Variants in POFUT3 observed in about 807,000 individuals in gnomAD.
POFUT3 encodes the protein GDP-fucose protein O-fucosyltransferase 3.
At chr8:33,385,167 C>G in the POFUT3 span, among the ~76,000 whole-genome samples, 1 of 152,204 alleles carries the variant, frequency 6.6e-6, no homozygotes, top group Non-Finnish European at 1.5e-5. Flanking sequence ...CACCCTCATT[C>G]CCAGTGACCC....
chr8:33,309,181 T>TAC, the POFUT3 span, among the ~76,000 whole-genome samples: 23 of 106,074 alleles, frequency 2.2e-4, 2 homozygotes, highest in Admixed American at 2.1e-3. Flanking sequence ...TATATATATA[T>TAC]ATATATATAT....
chr8:33,452,594 A>ACTT, the POFUT3 span: 1 of 152,112 alleles, frequency 6.6e-6, no homozygotes, highest in Non-Finnish European at 1.5e-5. Context: ...CATTTAAAAA[A>ACTT]CTTTTTTAAA....
chr8:33,464,959 T>C, the POFUT3 span, among the ~76,000 whole-genome samples: 1 of 152,280 alleles, frequency 6.6e-6, no homozygotes, highest in South Asian at 2.1e-4. Context: ...TGCTCCTACT[T>C]AGTAGATGCT....
the POFUT3 span, among the ~76,000 whole-genome samples, chr8:33,385,121 C>T: frequency 2.6e-5 from 4 of 152,182 alleles, no homozygotes; most frequent in African/African-American, 9.6e-5. Flanking sequence ...AGACTAGATA[C>T]AGGAACCAAC....
the POFUT3 span, among the ~76,000 whole-genome samples, chr8:33,415,112 A>G: frequency 6.6e-6 from 1 of 151,914 alleles, no homozygotes; most frequent in Admixed American, 6.6e-5. Context: ...AAATACAAAA[A>G]CTAGCTGGCT....
chr8:33,342,042 T>C, the POFUT3 span, among the ~76,000 whole-genome samples: 1 of 152,114 alleles, frequency 6.6e-6, no homozygotes, highest in Non-Finnish European at 1.5e-5. Flanking sequence ...TAGCCAGGCA[T>C]GGTGGCATGT....
At chr8:33,412,367 A>T in the POFUT3 span, among the ~76,000 whole-genome samples, 1 of 152,194 alleles carries the variant, frequency 6.6e-6, no homozygotes, top group Admixed American at 6.5e-5. Context: ...TAGAATTGGA[A>T]CTTGATCCAT....
the POFUT3 span, among the ~76,000 whole-genome samples, chr8:33,466,292 G>T: frequency 6.6e-6 from 1 of 152,030 alleles, no homozygotes. Context: ...AGCTGGGCAT[G>T]GTGGTGCATG....
At chr8:33,463,024 G>A in the POFUT3 span, among the ~76,000 whole-genome samples, 1 of 152,142 alleles carries the variant, frequency 6.6e-6, no homozygotes, top group South Asian at 2.1e-4. Context: ...AAATGGCACT[G>A]TGGAGCTCAG....
At chr8:33,365,024 A>G in the POFUT3 span, among the ~76,000 whole-genome samples, 1 of 152,236 alleles carries the variant, frequency 6.6e-6, no homozygotes, top group East Asian at 1.9e-4. Context: ...ACAAGGCTAT[A>G]GTAACCAAAC....
At chr8:33,462,423 A>G in the POFUT3 span, among the ~76,000 whole-genome samples, 1 of 152,182 alleles carries the variant, frequency 6.6e-6, no homozygotes, top group Admixed American at 6.5e-5. Flanking sequence ...TTCAGGCTTC[A>G]ATCAAAAATG....
At chr8:33,432,237 C>A in the POFUT3 span, among the ~76,000 whole-genome samples, 2 of 151,884 alleles carry the variant, frequency 1.3e-5, no homozygotes, top group Admixed American at 6.6e-5. Flanking sequence ...TGGTGAAACC[C>A]CGTCTCTACT....
chr8:33,314,554 G>A, the POFUT3 span, among the ~76,000 whole-genome samples: 10 of 152,152 alleles, frequency 6.6e-5, no homozygotes, highest in Admixed American at 1.3e-4. Flanking sequence ...CACACCATAA[G>A]CATTAAATGA....
chr8:33,331,178 T>TA, the POFUT3 span, among the ~76,000 whole-genome samples: 1 of 148,172 alleles, frequency 6.7e-6, no homozygotes, highest in South Asian at 2.3e-4. Flanking sequence ...CGATTTCTAA[T>TA]AAAAATACAA....
chr8:33,323,734 T>A, the POFUT3 span, among the ~76,000 whole-genome samples: 2 of 152,272 alleles, frequency 1.3e-5, no homozygotes, highest in Non-Finnish European at 2.9e-5. Flanking sequence ...GATCTTTACC[T>A]CTCTTGTCAG....
chr8:33,437,389 TA>T, the POFUT3 span, among the ~76,000 whole-genome samples: 98 of 141,586 alleles, frequency 6.9e-4, no homozygotes, highest in South Asian at 2.8e-3. Context: ...AATAACAAAT[TA>T]AAAAAAAAAA....
At chr8:33,459,394 G>A in the POFUT3 span, among the ~76,000 whole-genome samples, 9 of 151,650 alleles carry the variant, frequency 5.9e-5, no homozygotes, top group African/African-American at 2.2e-4. Flanking sequence ...CAATCTCAGT[G>A]CTTTAAGAAG....
At chr8:33,330,920 G>A in the POFUT3 span, among the ~76,000 whole-genome samples, 1 of 152,100 alleles carries the variant, frequency 6.6e-6, no homozygotes, top group African/African-American at 2.4e-5. Context: ...AAGTCTCTAT[G>A]GGGAGGCACT....
chr8:33,430,844 G>A, the POFUT3 span, among the ~76,000 whole-genome samples: 3 of 152,068 alleles, frequency 2.0e-5, no homozygotes, highest in African/African-American at 7.2e-5. Flanking sequence ...CCAACCTCAG[G>A]TGATCCACCC....
Sources: allele counts gnomAD v4.1 joint callset (sites outside exome capture counted in the v4.1 genomes callset), GRCh38; gene constraint gnomAD v4.1.1; transcripts MANE v1.5; gene names NCBI Gene and HGNC (gene_info 2026-07-23, HGNC 2026-07-21).